NPTX2: variants seen among roughly 807,000 people sequenced by gnomAD.
NPTX2 encodes neuronal pentraxin-2.
Under a neutral mutation model 38.1 loss-of-function variants are expected in NPTX2, and 23 were observed. The ratio of observed to expected loss-of-function variants is 0.60; its 90% CI spans 0.43 to 0.85. NPTX2 has a LOEUF of 0.85. Ranked by LOEUF, NPTX2 falls within the 40% of genes least tolerant of loss-of-function variation. NPTX2 has a pLI of 0.00. For synonymous variants in NPTX2, 291 were observed against 287.3 expected (o/e 1.01, Z -0.13); for missense variants, 553 against 615.3 (o/e 0.90, Z 1.07).
chr7:98,622,120 G>C (rs1056440807), intron 2 of NPTX2, among the ~76,000 whole-genome samples: 3 of 152,208 alleles, frequency 2.0e-5, no homozygotes, highest in Admixed American at 2.0e-4. Context: ...AATAAATGTT[G>C]CTGCTGAGAA....
Position 98,617,380 on chromosome 7 carries a change from C to T in NPTX2, c.-82C>T. 2.9e-6 allele frequency: 1 copy of T among 349,048 alleles called. No individual in the cohort carries two copies. The highest frequency in any genetic ancestry group is 4.9e-6 in the Non-Finnish European group (1 of 205,580). The allele number at this position is 349,048 out of a possible 1,614,324, so 21.6% of individuals were successfully genotyped here. A position where few individuals can be genotyped will look rare whatever the true frequency, so the allele number is the denominator to read the frequency against. The stretch of plus-strand genomic sequence containing the variant: ...CCTCGAGACGACAGCGCGGCTACTG[C>T]CAGCAGCGAAGGCGCCTCCCGCGGA... On this transcript the variant is annotated 5_prime_UTR_variant, in exon 1 of 5. Coordinates refer to ENST00000265634, the MANE Select transcript of NPTX2 (RefSeq NM_002523.3).
chr7:98,626,868 G>C (rs1791358842), intron 3 of NPTX2, among the ~76,000 whole-genome samples: 1 of 152,198 alleles, frequency 6.6e-6, no homozygotes, highest in Admixed American at 6.5e-5. Flanking sequence ...ATGGAACGCT[G>C]ACTTCCCGAG....
chr7:98,618,241 C>T (rs990801612), intron 1 of NPTX2, among the ~76,000 whole-genome samples: 1 of 152,160 alleles, frequency 6.6e-6, no homozygotes, highest in Non-Finnish European at 1.5e-5. Context: ...CCTCTATCCT[C>T]TTGCAAATCT....
chr7:98,628,681 T>A lies in NPTX2; in HGVS notation c.*52T>A. ...GGGATCAGGCTGTTGCCATGGAAGTTCAGGGCCATAGACTGCCCCACTTAA... is the reference window on the plus strand; with the variant it reads ...GGGATCAGGCTGTTGCCATGGAAGTACAGGGCCATAGACTGCCCCACTTAA... On this transcript the variant is annotated 3_prime_UTR_variant, in exon 5 of 5. Coordinates refer to ENST00000265634, the MANE Select transcript of NPTX2 (RefSeq NM_002523.3). 1 of 861,332 alleles carries A rather than the reference T, an allele frequency of 1.2e-6. No individual in the cohort carries two copies. Among genetic ancestry groups the A allele is most frequent in the Non-Finnish European group, 1.8e-6 (1 of 550,042 alleles). The allele number at this position is 861,332 out of a possible 1,614,324, so 53.4% of individuals were successfully genotyped here. A position where few individuals can be genotyped will look rare whatever the true frequency, so the allele number is the denominator to read the frequency against.
Position 98,617,797 on chromosome 7 carries a change from T to A in NPTX2, c.336T>A (p.Thr112=). ...GCGCGGGGGCCACGGGCAAGGACAC[T>A]ATGGGCGACCTGCCGCGGGACCCCG... The part of the protein sequence containing the change: ...ARGAGATGKD[T]MGDLPRDPGH... Residue 112 remains threonine (T), a synonymous_variant, in exon 1 of 5, where the codon ACT becomes ACA. Transcript: ENST00000265634. The A allele has an allele frequency of 6.5e-7, 1 of 1,527,216 alleles. No homozygotes were observed. Among genetic ancestry groups the A allele is most frequent in the Non-Finnish European group, 8.7e-7 (1 of 1,144,578 alleles). 94.6% of individuals were successfully genotyped at this position (1,527,216 alleles called of 1,614,324 possible). A position where few individuals can be genotyped will look rare whatever the true frequency, so the allele number is the denominator to read the frequency against.
At chr7:98,621,353 G>A (rs150943481) in intron 2 of NPTX2, among the ~76,000 whole-genome samples, 3 of 152,252 alleles carry the variant, frequency 2.0e-5, no homozygotes, top group African/African-American at 4.8e-5. Flanking sequence ...TCACCTCTAC[G>A]AGGGCAAAGA....
intron 2 of NPTX2, among the ~76,000 whole-genome samples, chr7:98,623,152 G>C (rs1005080901): frequency 6.6e-6 from 1 of 152,208 alleles, no homozygotes; most frequent in South Asian, 2.1e-4. Context: ...TGGCCTCGGA[G>C]ACTGTCTGAG....
Position 98,619,801 on chromosome 7 carries a change from G to A in NPTX2, c.585G>A (p.Arg195=). The A allele has an allele frequency of 1.2e-6, 2 of 1,613,904 alleles. No individual in the cohort carries two copies. The stretch of plus-strand genomic sequence containing the variant: ...TGCACAATGAGACCTCGGCTCACCG[G>A]CAGAAGACCGAGAGCACCCTGAACG... ...SLLHNETSAH[R]QKTESTLNAL... is the part of the protein sequence containing the mutation. Residue 195 remains arginine (R), a synonymous_variant, in exon 2 of 5, where the codon CGG becomes CGA. Coordinates refer to ENST00000265634, the MANE Select transcript of NPTX2 (RefSeq NM_002523.3).
intron 4 of NPTX2, among the ~76,000 whole-genome samples, 196 bp from the exon 5 acceptor site, chr7:98,628,205 CT>C (rs958916497): frequency 1.3e-5 from 2 of 152,124 alleles, no homozygotes; most frequent in African/African-American, 4.8e-5. Context: ...TCAGTTTCCC[CT>C]GTATAAAATG....
intron 4 of NPTX2, among the ~76,000 whole-genome samples, chr7:98,628,035 T>C (rs558834980): frequency 2.0e-5 from 3 of 152,294 alleles, no homozygotes; most frequent in African/African-American, 7.2e-5. Flanking sequence ...CAGTGGGGCG[T>C]AGACTCCAGG....
chr7:98,629,473 A>G lies in NPTX2; in HGVS notation c.*844A>G, dbSNP rs1435535158. 1.3e-5 allele frequency: 2 copies of G among 152,264 alleles called. No individual in the cohort carries two copies. Among genetic ancestry groups the G allele is most frequent in the African/African-American group, 4.8e-5 (2 of 41,348 alleles). 9.4% of individuals were successfully genotyped at this position (152,264 alleles called of 1,614,324 possible). ...TTTTTCCCAACAGAAAAGAACAGCC[A>G]TTAGAAGAAGGCTCCCATTTTCTGA... On this transcript the variant is annotated 3_prime_UTR_variant, in exon 5 of 5. Transcript: ENST00000265634.
At chr7:98,626,101 C>T (rs777767314) in intron 3 of NPTX2, among the ~76,000 whole-genome samples, 2 of 147,474 alleles carry the variant, frequency 1.4e-5, no homozygotes, top group African/African-American at 2.5e-5. Flanking sequence ...GAACTATGAT[C>T]GCACCACTGT....
Position 98,617,831 on chromosome 7 carries a change from G to T in NPTX2, c.370G>T (p.Val124Leu), listed in dbSNP as rs867688086. 2.6e-6 allele frequency: 4 copies of T among 1,551,146 alleles called. No homozygotes were observed. The East Asian group carries it at 7.2e-5, about 28-fold the overall frequency. The change falls in exon 1 of 5, where the codon GTG (valine) becomes TTG (leucine). Residue 124 changes from valine to leucine, a missense_variant. Val to Leu is a conservative substitution (Grantham distance 32). Transcript: ENST00000265634. The part of the protein sequence containing the change: ...GDLPRDPGHV[V>L]EQLSRSLQTL... ...CCTGCCGCGGGACCCCGGCCACGTC[G>T]TGGAGCAGCTCAGCCGCTCGCTGCA...
Position 98,617,670 on chromosome 7 carries a change from T to A in NPTX2, c.209T>A (p.Val70Asp). The A allele has an allele frequency of 6.8e-7, 1 of 1,476,496 alleles. No individual in the cohort carries two copies. Among genetic ancestry groups the A allele is most frequent in the South Asian group, 1.3e-5 (1 of 77,306 alleles). The allele number at this position is 1,476,496 out of a possible 1,614,324, so 91.5% of individuals were successfully genotyped here. A position where few individuals can be genotyped will look rare whatever the true frequency, so the allele number is the denominator to read the frequency against. Residue 70 changes from valine (V) to aspartate (D), a missense_variant, in exon 1 of 5, where the codon GTC (valine) becomes GAC (aspartate). Physicochemically the swap from Val to Asp is radical, Grantham distance 152. Coordinates refer to ENST00000265634, the MANE Select transcript of NPTX2 (RefSeq NM_002523.3). ...RAAVLQLRET[V>D]VQQKETLGAQ... ...GCGGTGCTGCAGCTGCGCGAGACCGTCGTGCAGCAGAAGGAGACGCTGGGC... is the reference window on the plus strand; with the variant it reads ...GCGGTGCTGCAGCTGCGCGAGACCGACGTGCAGCAGAAGGAGACGCTGGGC...
Position 98,617,587 on chromosome 7 carries a change from G to A in NPTX2, c.126G>A (p.Pro42=). 6.7e-7 allele frequency: 1 copy of A among 1,483,198 alleles called. No individual in the cohort carries two copies. Among genetic ancestry groups the A allele is most frequent in the Non-Finnish European group, 8.9e-7 (1 of 1,124,304 alleles). 91.9% of individuals were successfully genotyped at this position (1,483,198 alleles called of 1,614,324 possible). Residue 42 remains proline, a synonymous_variant, in exon 1 of 5, where the codon CCG becomes CCA. Coordinates refer to ENST00000265634, the MANE Select transcript of NPTX2 (RefSeq NM_002523.3). ...CAGAGGCGGTGCACGCCGGCTGCCCGCTGCCCGCGATGCCCATGCAGGGCG... is the reference window on the plus strand; with the variant it reads ...CAGAGGCGGTGCACGCCGGCTGCCCACTGCCCGCGATGCCCATGCAGGGCG... ...LPPEAVHAGC[P]LPAMPMQGGA...
chr7:98,625,671 G>A lies in NPTX2; in HGVS notation c.888+505G>A, dbSNP rs182000208. On this transcript the variant is annotated intron_variant, in intron 3 of 4. Coordinates refer to ENST00000265634, the MANE Select transcript of NPTX2 (RefSeq NM_002523.3). ...CACACAGTTGTGTAACCACCACCAC[G>A]ATGAAAAAATATAAAACAGTTCCAT... Among the ~76,000 whole-genome samples the A allele has an allele frequency of 7.9e-5, 12 of 152,166 alleles. No homozygotes were observed. The East Asian group carries it at 2.1e-3, about 27-fold the overall frequency.
At position 98,627,261 on chromosome 7, in the gene NPTX2, G is replaced by A. The variant is rs375252857; in HGVS notation, c.985G>A (p.Gly329Arg). The change falls in exon 4 of 5, where the codon GGA becomes AGA. Residue 329 changes from glycine (G) to arginine (R), a missense_variant. Physicochemically the swap from Gly to Arg is moderately radical, Grantham distance 125. Transcript: ENST00000265634. ...RDGMWEAFQD[G>R]EKLGTGENLA... ...TGGCATGTGGGAGGCATTCCAGGAC[G>A]GAGAGAAGCTGGGCACTGGGGAGAA... The A allele has an allele frequency of 2.5e-6, 4 of 1,613,596 alleles. No homozygotes were observed. The highest frequency in any genetic ancestry group is 1.3e-5 in the African/African-American group (1 of 74,938).
intron 2 of NPTX2, among the ~76,000 whole-genome samples, chr7:98,620,357 C>T (rs542866898): frequency 2.6e-5 from 4 of 152,262 alleles, no homozygotes; most frequent in African/African-American, 9.6e-5. Context: ...TTCCCCATGA[C>T]TCCGTTTCAT....
chr7:98,623,195 T>C (rs1280724497), intron 2 of NPTX2, among the ~76,000 whole-genome samples: 1 of 152,152 alleles, frequency 6.6e-6, no homozygotes, highest in Non-Finnish European at 1.5e-5. Context: ...ACTTGTTGAA[T>C]GAGTGAAGGG....
Sources: gnomAD v4.1 joint callset for allele counts (sites outside exome capture counted in the v4.1 genomes callset) on GRCh38, gnomAD v4.1.1 for gene constraint, MANE v1.5 for transcripts, NCBI Gene and HGNC (gene_info 2026-07-23, HGNC 2026-07-21) for gene names.